The following ACOT11 variants were observed in gnomAD, a reference collection of about 807,000 sequenced individuals.
The protein encoded by ACOT11 is acyl-coenzyme A thioesterase 11.
A neutral mutation model predicts 77.5 loss-of-function variants in ACOT11; 69 were observed. The ratio of observed to expected loss-of-function variants is 0.89; its 90% CI spans 0.73 to 1.09. ACOT11 has a LOEUF of 1.09. Ranked by LOEUF, ACOT11 falls within the 50% of genes least tolerant of loss-of-function variation. The pLI is 0.00. For synonymous variants in ACOT11, 279 were observed against 313.0 expected (o/e 0.89, Z 1.15); for missense variants, 766 against 813.7 (o/e 0.94, Z 0.71).
Position 54,628,603 on chromosome 1 carries a change from C to T in ACOT11, c.1630-2131C>T, listed in dbSNP as rs187304265. ...GAGCAAGACCCCATCGCCCCCCCCC[C>T]CCAAAAAAGGAAAAAAGAAACCCAT... On this transcript the variant is annotated intron_variant, in intron 15 of 16. Transcript: ENST00000371316. 1.6e-3 allele frequency among the ~76,000 whole-genome samples: 193 copies of T among 123,184 alleles called. 47 individuals are homozygous for T. In the East Asian group the frequency reaches 0.042, roughly 27 times the overall value. The allele number at this position is 123,184 out of a possible 152,430, so 80.8% of individuals were successfully genotyped here.
chr1:54,596,797 ACTC>A (rs966324720), intron 6 of ACOT11, among the ~76,000 whole-genome samples: 10 of 151,094 alleles, frequency 6.6e-5, no homozygotes, highest in African/African-American at 2.4e-5. Context: ...CTGGTCTTGA[ACTC>A]CTGGCCTCAA....
chr1:54,562,117 C>T (rs867921954), intron 1 of ACOT11, among the ~76,000 whole-genome samples: 1 of 59,616 alleles, frequency 1.7e-5, no homozygotes, highest in Non-Finnish European at 3.0e-5. Flanking sequence ...CCCTCCCGGA[C>T]GGGGCGGCTG....
At chr1:54,626,325 G>A (rs1034158163) in intron 15 of ACOT11, among the ~76,000 whole-genome samples, 5 of 152,120 alleles carry the variant, frequency 3.3e-5, no homozygotes, top group Non-Finnish European at 5.9e-5. Flanking sequence ...AAGAAGTCTA[G>A]AGGAACAACA....
At chr1:54,633,856 G>A (rs1405681852) in intron 16 of ACOT11, among the ~76,000 whole-genome samples, 2 of 152,228 alleles carry the variant, frequency 1.3e-5, no homozygotes, top group African/African-American at 2.4e-5. Context: ...CTGAGGCAGA[G>A]TTACAACTGA....
chr1:54,578,008 G>C (rs1279462827), intron 1 of ACOT11, among the ~76,000 whole-genome samples: 1 of 152,182 alleles, frequency 6.6e-6, no homozygotes, highest in African/African-American at 2.4e-5. Flanking sequence ...AGGCACCAGG[G>C]GTCATGATGC....
intron 1 of ACOT11, among the ~76,000 whole-genome samples, chr1:54,551,149 A>AAG (rs1653052672): frequency 7.0e-6 from 1 of 143,394 alleles, no homozygotes; most frequent in African/African-American, 2.6e-5. Context: ...AAAAAAAAAA[A>AAG]GAAAAAAAAC....
In ACOT11 at chr1:54,609,814, T is replaced by C. The variant is rs1644094024; in HGVS notation, c.*702T>C. The C allele has an allele frequency of 6.2e-7, 1 of 1,614,078 alleles. No individual in the cohort carries two copies. Among genetic ancestry groups the C allele is most frequent in the Admixed American group, 1.7e-5 (1 of 60,010 alleles). ...AATGGATGCCCCAGTGTCCGGGATG[T>C]GTGGCCAGCTGCTGCAGGCAGGACT... On this transcript the variant is annotated 3_prime_UTR_variant, in exon 16 of 16. Coordinates refer to ENST00000343744, the MANE Select transcript of ACOT11 (RefSeq NM_147161.4).
chr1:54,582,555 C>T (rs927095969), intron 1 of ACOT11: 21 of 980,494 alleles, frequency 2.1e-5, no homozygotes, highest in African/African-American at 5.3e-5. Flanking sequence ...TCCTGATTCA[C>T]AGAACAGGAA....
chr1:54,609,027 C>G lies in ACOT11; in HGVS notation c.1700C>G (p.Ser567Cys). 6.2e-7 allele frequency: 1 copy of G among 1,613,926 alleles called. No individual in the cohort carries two copies. Among genetic ancestry groups the G allele is most frequent in the Non-Finnish European group, 8.5e-7 (1 of 1,179,964 alleles). The part of the protein sequence containing the change: ...YVTTNVAGLS[S>C]EFYTTFKACE... ...ACCACCAACGTGGCCGGCCTCTCCT[C>G]TGAGTTCTACACCACCTTCAAGGCT... The change falls in exon 16 of 16, where the codon TCT becomes TGT. Residue 567 changes from serine (S) to cysteine (C), a missense_variant. Coordinates refer to ENST00000343744, the MANE Select transcript of ACOT11 (RefSeq NM_147161.4).
At chr1:54,569,123 A>AT (rs1309065409) in intron 1 of ACOT11, among the ~76,000 whole-genome samples, 17 of 144,414 alleles carry the variant, frequency 1.2e-4, no homozygotes, top group African/African-American at 2.5e-4. Context: ...GAAAAAAAAA[A>AT]AATAATTTTT....
At chr1:54,553,888 C>T (rs1452972325) in intron 1 of ACOT11, among the ~76,000 whole-genome samples, 1 of 152,102 alleles carries the variant, frequency 6.6e-6, no homozygotes, top group East Asian at 1.9e-4. Flanking sequence ...CTTAATATAA[C>T]ATACTCTGGG....
chr1:54,585,557 G>A (rs77173620), intron 2 of ACOT11, among the ~76,000 whole-genome samples: 1,585 of 152,304 alleles, frequency 0.01, 7 homozygotes, highest in Non-Finnish European at 0.018. Context: ...TCCAGGACTG[G>A]GGTACAGCAA....
At position 54,607,965 on chromosome 1, in the gene ACOT11, G is replaced by A. The variant is rs1644049480; in HGVS notation, c.1526G>A (p.Arg509Lys). The A allele has an allele frequency of 1.2e-6, 2 of 1,613,850 alleles. No homozygotes were observed. The highest frequency in any genetic ancestry group is 1.7e-6 in the Non-Finnish European group (2 of 1,179,948). The change falls in exon 15 of 16, where the codon AGG (arginine) becomes AAG (lysine). Residue 509 changes from arginine (R) to lysine (K), a missense_variant. Physicochemically the swap from Arg to Lys is conservative, Grantham distance 26. Transcript: ENST00000343744. This position sits in a 1 kb window ranked among gnomAD's most constrained non-coding sequence, Gnocchi z 4.5. ...DNGDPYVIAL[R>K]SVTLPTHRET... is the part of the protein sequence containing the mutation. Reference sequence around the variant, plus strand: ...AGGGACCCCTATGTCATCGCGCTGAGGTCGGTCACGCTGCCCACACACCGA... The same window carrying A: ...AGGGACCCCTATGTCATCGCGCTGAAGTCGGTCACGCTGCCCACACACCGA...
At chr1:54,610,798 G>A, downstream of ACOT11, 1 of 984,760 alleles carries the variant, frequency 1.0e-6, no homozygotes, top group Non-Finnish European at 1.2e-6. Context: ...TGGCTCCAGA[G>A]CTGGTATCCT....
At position 54,609,025 on chromosome 1, in the gene ACOT11, C is replaced by T. The variant is rs1185810506; in HGVS notation, c.1698C>T (p.Ser566=). 6.2e-7 allele frequency: 1 copy of T among 1,613,894 alleles called. No homozygotes were observed. The highest frequency in any genetic ancestry group is 8.5e-7 in the Non-Finnish European group (1 of 1,179,976). ...NYVTTNVAGL[S]SEFYTTFKAC... ...TGACCACCAACGTGGCCGGCCTCTCCTCTGAGTTCTACACCACCTTCAAGG... is the reference window on the plus strand; with the variant it reads ...TGACCACCAACGTGGCCGGCCTCTCTTCTGAGTTCTACACCACCTTCAAGG... The change falls in exon 16 of 16, where the codon TCC becomes TCT. Residue 566 remains serine, a synonymous_variant. Coordinates refer to ENST00000343744, the MANE Select transcript of ACOT11 (RefSeq NM_147161.4).
chr1:54,554,145 G>A (rs983551712), intron 1 of ACOT11, among the ~76,000 whole-genome samples: 3 of 150,728 alleles, frequency 2.0e-5, no homozygotes, highest in Non-Finnish European at 2.9e-5. Context: ...TTCAGCCTGG[G>A]CAACAGAGCC....
intron 16 of ACOT11, among the ~76,000 whole-genome samples, chr1:54,634,061 G>C (rs973991356): frequency 2.6e-5 from 4 of 152,160 alleles, no homozygotes; most frequent in African/African-American, 9.7e-5. Flanking sequence ...TACTATGATA[G>C]GGATTGGGAG....
rs17110757 is a variant in ACOT11 at position 54,584,133 on chromosome 1, G to A, written c.34-522G>A. The stretch of plus-strand genomic sequence containing the variant: ...ATAGATCCAAGTGCTAGACATTAGC[G>A]GGCCACAGAGGCTGTCCTGATGGCC... On this transcript the variant is annotated intron_variant, in intron 1 of 15. Transcript: ENST00000343744. This position sits in a 1 kb window ranked among gnomAD's most constrained non-coding sequence, Gnocchi z 6.3. Among the ~76,000 whole-genome samples, 29,688 of 152,022 alleles carry A rather than the reference G, an allele frequency of 0.2. 4,282 individuals are homozygous for A. The highest frequency in any genetic ancestry group is 0.4 in the African/African-American group (16,634 of 41,420).
At chr1:54,599,215 TATATATATAA>T (rs1355289420) in intron 7 of ACOT11, 71 bp from the exon 8 acceptor site, 9,858 of 85,940 alleles carry the variant, frequency 0.11, 1,053 homozygotes, top group Non-Finnish European at 0.15. Context: ...TATATATATA[TATATATATAA>T]AAATCTGGCC....
Sources: gnomAD v4.1 joint callset for allele counts (sites outside exome capture counted in the v4.1 genomes callset) on GRCh38, gnomAD v4.1.1 for gene constraint, Gnocchi (gnomAD v3.1) non-coding constraint, MANE v1.5 for transcripts, NCBI Gene and HGNC (gene_info 2026-07-23, HGNC 2026-07-21) for gene names.